Variants in EFCAB5 observed in about 807,000 individuals in gnomAD.
EFCAB5 encodes the protein EF-hand calcium binding domain 5.
EFCAB5 carries 131 observed loss-of-function variants against 167.9 expected under a neutral mutation model. The observed-to-expected ratio is 0.78, with a 90% CI of 0.68 to 0.90. The LOEUF (loss-of-function observed/expected upper bound fraction) is 0.90. Among genes scored for constraint, EFCAB5 ranks in the 40% least tolerant of loss-of-function variants. The pLI, the probability that EFCAB5 is intolerant of heterozygous loss-of-function variation, is 0.00. For synonymous variants in EFCAB5, 574 were observed against 602.8 expected (o/e 0.95, Z 0.70); for missense variants, 1,663 against 1,745.2 (o/e 0.95, Z 0.84).
At chr17:29,929,923 C>T (rs1000538162) in intron 1 of EFCAB5, 1 of 1,588,240 alleles carries the variant, frequency 6.3e-7, no homozygotes, top group Non-Finnish European at 8.6e-7. Flanking sequence ...GGAGCGGCCG[C>T]CAGGAAGGAC....
intron 3 of EFCAB5, among the ~76,000 whole-genome samples, chr17:29,964,633 T>A (rs2067790568): frequency 6.6e-6 from 1 of 152,176 alleles, no homozygotes; most frequent in Non-Finnish European, 1.5e-5. Flanking sequence ...CTCTGTAAGG[T>A]TGGTGATAAT....
In EFCAB5 at chr17:30,080,177, T is replaced by C. The variant is rs1197488738; in HGVS notation, c.3133T>C (p.Cys1045Arg). 3.7e-6 allele frequency: 6 copies of C among 1,613,748 alleles called. No individual in the cohort carries two copies. Among genetic ancestry groups the C allele is most frequent in the Non-Finnish European group, 5.1e-6 (6 of 1,179,826 alleles). The change falls in exon 16 of 23, where the codon TGT becomes CGT. Residue 1045 changes from cysteine to arginine, a missense_variant. Transcript: ENST00000394835. ...GAATGTTCTATTGAGGAATGTGGCT[T>C]GTACCTTAGATGATGCTCAATTTGT... ...KGNVLLRNVACTLDDAQFVLN... is the reference protein window; with the variant it reads ...KGNVLLRNVARTLDDAQFVLN...
intron 6 of EFCAB5, among the ~76,000 whole-genome samples, chr17:29,996,864 A>T (rs2068554893): frequency 6.6e-6 from 1 of 152,086 alleles, no homozygotes; most frequent in Non-Finnish European, 1.5e-5. Context: ...CTGTTTCTCA[A>T]ATGTTGTTTC....
chr17:29,950,378 T>TA (rs2067484600), intron 3 of EFCAB5, among the ~76,000 whole-genome samples: 1 of 151,446 alleles, frequency 6.6e-6, no homozygotes, highest in Non-Finnish European at 1.5e-5. Flanking sequence ...CTTTCTTTTT[T>TA]AAAAAAATAC....
chr17:30,097,356 A>G (rs2071318048), intron 22 of EFCAB5, among the ~76,000 whole-genome samples: 1 of 152,126 alleles, frequency 6.6e-6, no homozygotes, highest in South Asian at 2.1e-4. Context: ...AGCTGGCTTT[A>G]AATTTTTTAT....
intron 7 of EFCAB5, 87 bp downstream of exon 7, chr17:30,000,063 G>A: frequency 1.1e-6 from 1 of 909,572 alleles, no homozygotes; most frequent in Non-Finnish European, 1.6e-6. Flanking sequence ...CATTAAATTA[G>A]TATTAAATGA....
rs567815768 is a variant in EFCAB5 at position 30,099,594 on chromosome 17, C to T, written c.4321+6658C>T. ...TGCCTTTTTATGGGTCTGTTTTCATCCATCGATCTGGATACTGGCTGGGCT... is the reference window on the plus strand; with the variant it reads ...TGCCTTTTTATGGGTCTGTTTTCATTCATCGATCTGGATACTGGCTGGGCT... On this transcript the variant is annotated intron_variant, in intron 22 of 22. Transcript: ENST00000394835. Among the ~76,000 whole-genome samples, 9 of 152,260 alleles carry T rather than the reference C, an allele frequency of 5.9e-5. No individual in the cohort carries two copies. In the East Asian group the frequency reaches 1.7e-3, roughly 29 times the overall value.
rs975879088 is a variant in EFCAB5, at chr17:30,078,226, A to G, written c.2749A>G (p.Ile917Val). 2 of 1,611,450 alleles carry G rather than the reference A, an allele frequency of 1.2e-6. No homozygotes were observed. The highest frequency in any genetic ancestry group is 1.7e-6 in the Non-Finnish European group (2 of 1,178,348). Residue 917 changes from isoleucine (I) to valine (V), a missense_variant, in exon 15 of 23, where the codon ATC becomes GTC. Physicochemically the swap from Ile to Val is conservative, Grantham distance 29 (BLOSUM62 3). Coordinates refer to ENST00000394835, the MANE Select transcript of EFCAB5 (RefSeq NM_198529.4). ...TTTGTGTCTTTTAGCTAAACTACAC[A>G]TCCAATTTCCAAAGCCACACCCTGG... ...KESMKKAKLH[I>V]QFPKPHPGHE... is the part of the protein sequence containing the mutation.
chr17:30,080,762 A>G lies in EFCAB5; in HGVS notation c.3207A>G (p.Val1069=). ...TACTCTTTTTCCTCAGCTTTACAGT[A>G]GTGGATGAAGGGAAGCCAATCCATG... ...YRDMKGISFT[V]VDEGKPIHVP... The change falls in exon 17 of 23, where the codon GTA becomes GTG. Residue 1069 remains valine (V), a synonymous_variant. Coordinates refer to ENST00000394835, the MANE Select transcript of EFCAB5 (RefSeq NM_198529.4). 6.2e-7 allele frequency: 1 copy of G among 1,601,764 alleles called. No homozygotes were observed. The highest frequency in any genetic ancestry group is 8.5e-7 in the Non-Finnish European group (1 of 1,173,590).
intron 7 of EFCAB5, among the ~76,000 whole-genome samples, chr17:30,005,160 C>T (rs2068749930): frequency 6.6e-6 from 1 of 152,030 alleles, no homozygotes; most frequent in Non-Finnish European, 1.5e-5. Context: ...ATTTATTCTC[C>T]TCAGCAATGC....
chr17:29,996,816 A>G (rs1158229278), intron 6 of EFCAB5, among the ~76,000 whole-genome samples: 1 of 152,192 alleles, frequency 6.6e-6, no homozygotes, highest in Non-Finnish European at 1.5e-5. Context: ...CCAGTCTTAT[A>G]TCCTACACCT....
At chr17:30,052,306 C>T (rs955126015) in intron 9 of EFCAB5, among the ~76,000 whole-genome samples, 1 of 152,140 alleles carries the variant, frequency 6.6e-6, no homozygotes, top group South Asian at 2.1e-4. Flanking sequence ...TCTGGGATTA[C>T]AGGCGCCTGC....
At chr17:29,941,185 A>G (rs1489900006), upstream of EFCAB5, among the ~76,000 whole-genome samples, 1 of 152,172 alleles carries the variant, frequency 6.6e-6, no homozygotes, top group Non-Finnish European at 1.5e-5. Context: ...TCATATATAT[A>G]CAAACTCTTA....
At chr17:30,047,080 A>G (rs2069949032) in intron 8 of EFCAB5, among the ~76,000 whole-genome samples, 1 of 152,220 alleles carries the variant, frequency 6.6e-6, no homozygotes, top group Admixed American at 6.5e-5. Context: ...ACTTTGCAGT[A>G]TATACTTAGC....
At chr17:29,954,967 C>G (rs944562889) in intron 3 of EFCAB5, among the ~76,000 whole-genome samples, 1 of 152,192 alleles carries the variant, frequency 6.6e-6, no homozygotes, top group South Asian at 2.1e-4. Context: ...TTTGGACTTG[C>G]ATGGAGCCTG....
At chr17:29,954,272 G>T (rs1221126317) in intron 3 of EFCAB5, among the ~76,000 whole-genome samples, 1 of 152,154 alleles carries the variant, frequency 6.6e-6, no homozygotes, top group Non-Finnish European at 1.5e-5. Context: ...GCATGTCAGA[G>T]ACCTTCATGG....
Position 30,057,658 on chromosome 17 carries a change from A to G in EFCAB5, c.2366-18A>G, listed in dbSNP as rs752632655. The G allele has an allele frequency of 9.7e-5, 155 of 1,601,944 alleles. No homozygotes were observed. The highest frequency in any genetic ancestry group is 1.3e-4 in the Non-Finnish European group (153 of 1,170,706). On this transcript the variant is annotated intron_variant, in intron 12 of 22. Transcript: ENST00000394835. ...AAATTGTTCACTTTACTGCTTGGTA[A>G]TGTTTCTTGCTTGACAGATTTACAC... is the stretch of plus-strand genomic sequence containing the variant.
At chr17:30,096,677 A>ATATATATATATATTTTT (rs1193558323) in intron 22 of EFCAB5, among the ~76,000 whole-genome samples, 1 of 60,124 alleles carries the variant, frequency 1.7e-5, no homozygotes, top group African/African-American at 8.4e-5. Flanking sequence ...ATATATATAT[A>ATATATATATATATTTTT]TTTTTTTTTT....
chr17:29,962,137 T>G (rs2151561172), intron 3 of EFCAB5, among the ~76,000 whole-genome samples: 1 of 152,324 alleles, frequency 6.6e-6, no homozygotes, highest in South Asian at 2.1e-4. Context: ...AGTTTGTTCC[T>G]TTTGTTTTTT....
Sources: allele counts gnomAD v4.1 joint callset (sites outside exome capture counted in the v4.1 genomes callset), GRCh38; gene constraint gnomAD v4.1.1; transcripts MANE v1.5; gene names NCBI Gene and HGNC (gene_info 2026-07-23, HGNC 2026-07-21).